The following PLCG2 variants were observed in gnomAD, a reference collection of about 807,000 sequenced individuals.
The protein encoded by PLCG2 is phospholipase C gamma 2, also known as 1-phosphatidylinositol 4,5-bisphosphate phosphodiesterase gamma-2.
A neutral mutation model predicts 175.6 loss-of-function variants in PLCG2; 69 were observed. That is an observed-to-expected ratio of 0.39 (90% CI 0.32 to 0.48). PLCG2 has a LOEUF of 0.48. Ranked by LOEUF, PLCG2 falls within the 20% of genes least tolerant of loss-of-function variation. The probability of loss-of-function intolerance (pLI) is 0.91; values close to 1 mark genes in which losing one functional copy is unlikely to be tolerated. For synonymous variants in PLCG2, 827 were observed against 624.0 expected (o/e 1.33, Z -4.85); for missense variants, 1,798 against 1,650.9 (o/e 1.09, Z -1.54).
At chr16:81,931,976 A>G (rs778201691) in intron 25 of PLCG2, among the ~76,000 whole-genome samples, 2 of 152,178 alleles carry the variant, frequency 1.3e-5, no homozygotes, top group African/African-American at 2.4e-5. Context: ...CTCATTTTGA[A>G]TATTTTCTTT....
At chr16:81,907,263 C>G (rs1305111567) in intron 15 of PLCG2, among the ~76,000 whole-genome samples, 1 of 151,780 alleles carries the variant, frequency 6.6e-6, no homozygotes, top group Non-Finnish European at 1.5e-5. Context: ...GAACTTAACC[C>G]TGGTACTTTA....
chr16:81,903,187 C>G (rs767049169), intron 14 of PLCG2, among the ~76,000 whole-genome samples: 1 of 152,168 alleles, frequency 6.6e-6, no homozygotes, highest in Non-Finnish European at 1.5e-5. Flanking sequence ...GATGTCCTTC[C>G]AGGTTGGGAC....
At chr16:81,899,711 CAGG>C (rs1445844751) in intron 13 of PLCG2, among the ~76,000 whole-genome samples, 7 of 152,230 alleles carry the variant, frequency 4.6e-5, no homozygotes, top group African/African-American at 1.4e-4. Flanking sequence ...TGTTCCTGAG[CAGG>C]AGAAGGCTGT....
chr16:81,938,087 G>C (rs1910791781), intron 28 of PLCG2, among the ~76,000 whole-genome samples, 184 bp downstream of exon 28: 1 of 152,190 alleles, frequency 6.6e-6, no homozygotes, highest in Non-Finnish European at 1.5e-5. Flanking sequence ...CGTTCTGGGA[G>C]AAGAGGGAAG....
upstream of PLCG2, among the ~76,000 whole-genome samples, chr16:81,776,599 T>C (rs1003360011): frequency 5.9e-5 from 9 of 151,950 alleles, no homozygotes; most frequent in African/African-American, 2.2e-4. Flanking sequence ...CTATCACCTA[T>C]GCTGGAGTGC....
chr16:81,947,202 G>A (rs1464122644), intron 31 of PLCG2, among the ~76,000 whole-genome samples: 1 of 152,196 alleles, frequency 6.6e-6, no homozygotes, highest in Non-Finnish European at 1.5e-5. Flanking sequence ...AGAAAATTGT[G>A]TTGATGCAGA....
At chr16:81,928,820 A>G in intron 24 of PLCG2, 196 bp downstream of exon 24, 1 of 505,744 alleles carries the variant, frequency 2.0e-6, no homozygotes. Flanking sequence ...CTCTACTAAA[A>G]CTGTAAGTGC....
At chr16:81,753,100 G>C (rs1239037619) in intron 1 of PLCG2, among the ~76,000 whole-genome samples, 1 of 152,210 alleles carries the variant, frequency 6.6e-6, no homozygotes, top group African/African-American at 2.4e-5. Flanking sequence ...CTTCTGCTGA[G>C]GATGGCCAGT....
Position 81,859,139 on chromosome 16 carries a change from C to G in PLCG2, c.455C>G (p.Ser152Cys). ...AGTTGGCTGAGAAAGCAGATATATT[C>G]TGTGGATCAAACCAGAAGAAACAGG... ...IESWLRKQIY[S>C]VDQTRRNSIS... The change falls in exon 5 of 33, where the codon TCT becomes TGT. Residue 152 changes from serine to cysteine, a missense_variant. By Grantham distance (112) the Ser-to-Cys change is moderately radical. Transcript: ENST00000564138. 6.3e-7 allele frequency: 1 copy of G among 1,597,124 alleles called. No homozygotes were observed. The highest frequency in any genetic ancestry group is 8.6e-7 in the Non-Finnish European group (1 of 1,164,530).
chr16:81,876,971 C>A (rs1296593182), intron 7 of PLCG2, among the ~76,000 whole-genome samples: 1 of 152,092 alleles, frequency 6.6e-6, no homozygotes, highest in Non-Finnish European at 1.5e-5. Flanking sequence ...AAATTCTGGC[C>A]CTTGGACTTG....
chr16:81,765,207 G>A (rs1910121781), intron 2 of PLCG2, among the ~76,000 whole-genome samples: 1 of 152,260 alleles, frequency 6.6e-6, no homozygotes, highest in South Asian at 2.1e-4. Context: ...CACAGGGAGA[G>A]CACCATGTGA....
intron 9 of PLCG2, among the ~76,000 whole-genome samples, 161 bp from the exon 10 acceptor site, chr16:81,889,011 G>T (rs1211694488): frequency 6.6e-6 from 1 of 152,066 alleles, no homozygotes; most frequent in Non-Finnish European, 1.5e-5. Flanking sequence ...CTGGCAGAGG[G>T]CCATGTGCAG....
chr16:81,772,262 C>T (rs1215337537), intron 2 of PLCG2, among the ~76,000 whole-genome samples: 2 of 152,104 alleles, frequency 1.3e-5, no homozygotes, highest in Admixed American at 1.3e-4. Context: ...GATGCAGCTC[C>T]AAGCCAAGGA....
At chr16:81,822,394 A>G (rs1036312305) in intron 2 of PLCG2, among the ~76,000 whole-genome samples, 3 of 152,146 alleles carry the variant, frequency 2.0e-5, no homozygotes, top group Non-Finnish European at 4.4e-5. Context: ...AAATTAAGTG[A>G]AGAAGGTTGA....
intron 2 of PLCG2, among the ~76,000 whole-genome samples, chr16:81,795,016 T>G (rs1911403719): frequency 6.6e-6 from 1 of 152,242 alleles, no homozygotes; most frequent in Non-Finnish European, 1.5e-5. Flanking sequence ...TCTTCTATCC[T>G]GGATGACAAC....
At chr16:81,957,699 CT>C (rs1377740389) in intron 32 of PLCG2, among the ~76,000 whole-genome samples, 1 of 152,138 alleles carries the variant, frequency 6.6e-6, no homozygotes, top group Non-Finnish European at 1.5e-5. Flanking sequence ...TGCTGCCTCC[CT>C]TACTCACATT....
At chr16:81,819,445 C>G (rs943082292) in intron 2 of PLCG2, among the ~76,000 whole-genome samples, 3 of 152,174 alleles carry the variant, frequency 2.0e-5, no homozygotes, top group Non-Finnish European at 4.4e-5. Flanking sequence ...TGGCTTGGGG[C>G]ACCCAGGAAG....
chr16:81,851,372 G>A (rs1054406516), intron 2 of PLCG2, among the ~76,000 whole-genome samples: 13 of 152,090 alleles, frequency 8.5e-5, no homozygotes, highest in African/African-American at 2.2e-4. Context: ...CATACACTCC[G>A]TTTTCTTGTT....
intron 1 of PLCG2, among the ~76,000 whole-genome samples, chr16:81,748,867 C>G (rs985008187): frequency 2.0e-5 from 3 of 152,202 alleles, no homozygotes; most frequent in Non-Finnish European, 2.9e-5. Context: ...AAAATTGAGG[C>G]TCAGAGAGGC....
Sources: allele counts gnomAD v4.1 joint callset (sites outside exome capture counted in the v4.1 genomes callset), GRCh38; gene constraint gnomAD v4.1.1; transcripts MANE v1.5; gene names NCBI Gene and HGNC (gene_info 2026-07-23, HGNC 2026-07-21).